VTN: variants seen among roughly 807,000 people sequenced by gnomAD.
VTN encodes vitronectin, also known as complement S-protein.
In VTN, 45 loss-of-function variants were observed where a neutral mutation model predicts 55.9. That is an observed-to-expected ratio of 0.80 (90% CI 0.63 to 1.03). The LOEUF is 1.03. Ranked by LOEUF, VTN falls within the 50% of genes least tolerant of loss-of-function variation. VTN has a pLI of 0.00. For synonymous variants in VTN, 238 were observed against 242.3 expected (o/e 0.98, Z 0.17); for missense variants, 589 against 638.2 (o/e 0.92, Z 0.83).
chr17:28,367,640 G>T, intron 7 of VTN, 75 bp downstream of exon 7: 1 of 1,503,684 alleles, frequency 6.7e-7, no homozygotes, highest in Admixed American at 1.8e-5. Flanking sequence ...TGCAGGCTGC[G>T]TTCAGCCCTT....
In VTN at chr17:28,368,536, A is replaced by G; in HGVS notation, c.964T>C (p.Trp322Arg). 1 of 1,613,982 alleles carries G rather than the reference A, an allele frequency of 6.2e-7. No homozygotes were observed. The highest frequency in any genetic ancestry group is 1.1e-5 in the South Asian group (1 of 91,080). The change falls in exon 6 of 8, where the codon TGG (tryptophan) becomes CGG (arginine). Residue 322 changes from tryptophan (W) to arginine (R), a missense_variant. This residue lies in a region of VTN where 334 missense variants were observed against 328.2 expected (regional missense o/e 1.02). Coordinates refer to ENST00000226218, the MANE Select transcript of VTN (RefSeq NM_000638.4). ...SWEDIFELLF[W>R]GRTSAGTRQP... is the part of the protein sequence containing the mutation. ...CTCTCCATACCAGAGGTTCTGCCCC[A>G]GAAGAGAAGCTCGAAGATGTCCTCC...
At chr17:28,368,389 A>C in intron 6 of VTN, 132 bp downstream of exon 6, 2 of 1,315,960 alleles carry the variant, frequency 1.5e-6, no homozygotes, top group Non-Finnish European at 2.1e-6. Context: ...ACAGAAGCAA[A>C]GTCTGGCCTG....
In VTN at chr17:28,369,667, A is replaced by G. The variant is rs1433453504; in HGVS notation, c.369T>C (p.Pro123=). The G allele has an allele frequency of 3.1e-6, 5 of 1,613,676 alleles. No individual in the cohort carries two copies. Among genetic ancestry groups the G allele is most frequent in the South Asian group, 1.1e-5 (1 of 91,082 alleles). Residue 123 remains proline, a synonymous_variant, in exon 3 of 8, where the codon CCT becomes CCC. Coordinates refer to ENST00000226218, the MANE Select transcript of VTN (RefSeq NM_000638.4). The surrounding 1 kb of genome is among the most constrained non-coding windows in gnomAD (Gnocchi z 5.3). ...GCTTAGAGGCGCCCACCTCAGGCGC[A>G]GGGGCCTCTTCCTCAGGTTTCAGAA... is the stretch of plus-strand genomic sequence containing the variant. The part of the protein sequence containing the change: ...TPVLKPEEEA[P]APEVGASKPE...
At position 28,369,541 on chromosome 17, in the gene VTN, G is replaced by C. The variant is rs782005192; in HGVS notation, c.495C>G (p.Thr165=). The stretch of plus-strand genomic sequence containing the variant: ...CAAAGAGGGAACCGTTCTTGAGGTC[G>C]GTGAAGGCGTCGAAGGGCTTCCCAC... The part of the protein sequence containing the change: ...LCSGKPFDAF[T]DLKNGSLFAF... The change falls in exon 3 of 8, where the codon ACC becomes ACG. Residue 165 remains threonine (T), a synonymous_variant. Coordinates refer to ENST00000226218, the MANE Select transcript of VTN (RefSeq NM_000638.4). This position sits in a 1 kb window ranked among gnomAD's most constrained non-coding sequence, Gnocchi z 5.3. The C allele has an allele frequency of 1.2e-6, 2 of 1,609,640 alleles. No homozygotes were observed. Among genetic ancestry groups the C allele is most frequent in the South Asian group, 2.2e-5 (2 of 91,036 alleles).
Position 28,370,021 on chromosome 17 carries a change from C to T in VTN, c.90G>A (p.Glu30=). The T allele has an allele frequency of 1.2e-6, 2 of 1,614,120 alleles. No individual in the cohort carries two copies. Among genetic ancestry groups the T allele is most frequent in the Non-Finnish European group, 1.7e-6 (2 of 1,180,020 alleles). ...DQESCKGRCT[E]GFNVDKKCQC... Reference sequence around the variant, plus strand: ...GGCACTTCTTGTCCACGTTGAAGCCCTCAGTGCAGCGGCCCTTGCATGACT... The same window carrying T: ...GGCACTTCTTGTCCACGTTGAAGCCTTCAGTGCAGCGGCCCTTGCATGACT... Residue 30 remains glutamate (E), a synonymous_variant, in exon 2 of 8, where the codon GAG becomes GAA. Coordinates refer to ENST00000226218, the MANE Select transcript of VTN (RefSeq NM_000638.4).
At position 28,368,078 on chromosome 17, in the gene VTN, G is replaced by A. The variant is rs1555583333; in HGVS notation, c.980-19C>T. ...GTACCAGCTGTGGCAGGGAAGGGGT[G>A]AATGAGAGGTCTTGGGGGTCCGAAT... On this transcript the variant is annotated intron_variant, in intron 6 of 7. Transcript: ENST00000226218. 1.3e-6 allele frequency: 2 copies of A among 1,552,246 alleles called. No individual in the cohort carries two copies. The highest frequency in any genetic ancestry group is 1.9e-5 in the Admixed American group (1 of 51,552).
Position 28,369,661 on chromosome 17 carries a change from A to C in VTN, c.375T>G (p.Pro125=). 1 of 1,613,772 alleles carries C rather than the reference A, an allele frequency of 6.2e-7. No homozygotes were observed. Residue 125 remains proline (P), a synonymous_variant, in exon 3 of 8, where the codon CCT becomes CCG. Coordinates refer to ENST00000226218, the MANE Select transcript of VTN (RefSeq NM_000638.4). This position sits in a 1 kb window ranked among gnomAD's most constrained non-coding sequence, Gnocchi z 5.3. ...VLKPEEEAPA[P]EVGASKPEGI... ...CCTCAGGCTTAGAGGCGCCCACCTC[A>C]GGCGCAGGGGCCTCTTCCTCAGGTT...
rs782617018 is a variant in VTN, at chr17:28,368,894, C to T, written c.804G>A (p.Arg268=). 1.5e-4 allele frequency: 236 copies of T among 1,613,534 alleles called. No homozygotes were observed. Among genetic ancestry groups the T allele is most frequent in the Non-Finnish European group, 2.0e-4 (231 of 1,179,892 alleles). The stretch of plus-strand genomic sequence containing the variant: ...TACCCTTGAAGAAGTAGACCCGCTC[C>T]CGGCCACTGTAGCTATGGGCAGGGA... ...LALPAHSYSG[R]ERVYFFKGKQ... Residue 268 remains arginine (R), a synonymous_variant, in exon 5 of 8, where the codon CGG becomes CGA. Coordinates refer to ENST00000226218, the MANE Select transcript of VTN (RefSeq NM_000638.4).
Position 28,369,277 on chromosome 17 carries a change from A to T in VTN, c.669+12T>A. 6.4e-7 allele frequency: 1 copy of T among 1,570,768 alleles called. No homozygotes were observed. Among genetic ancestry groups the T allele is most frequent in the Non-Finnish European group, 8.7e-7 (1 of 1,154,182 alleles). On this transcript the variant is annotated intron_variant, in intron 4 of 7. Coordinates refer to ENST00000226218, the MANE Select transcript of VTN (RefSeq NM_000638.4). The surrounding 1 kb of genome is among the most constrained non-coding windows in gnomAD (Gnocchi z 5.3). ...CTAGATGCTTTCTACCCTGGCCCAC[A>T]GCCCCTGGCACCTTGAAGAGGTAGG...
In VTN at chr17:28,367,802, C is replaced by T; in HGVS notation, c.1237G>A (p.Gly413Arg). ...CTGTAGTCATCATAGTTGTTGGCTC[C>T]CAAGTTGCTCTCCTCACTGGAGAAC... is the stretch of plus-strand genomic sequence containing the variant. ...SLFSSEESNL[G>R]ANNYDDYRMD... The change falls in exon 7 of 8, where the codon GGA (glycine) becomes AGA (arginine). Residue 413 changes from glycine (G) to arginine (R), a missense_variant. This residue lies in a region of VTN where 334 missense variants were observed against 328.2 expected (regional missense o/e 1.02). Transcript: ENST00000226218. The T allele has an allele frequency of 6.2e-7, 1 of 1,614,180 alleles. No homozygotes were observed. Among genetic ancestry groups the T allele is most frequent in the African/African-American group, 1.3e-5 (1 of 75,056 alleles).
In VTN at chr17:28,367,794, G is replaced by A; in HGVS notation, c.1245C>T (p.Asn415=). The A allele has an allele frequency of 6.2e-7, 1 of 1,614,190 alleles. No homozygotes were observed. The change falls in exon 7 of 8, where the codon AAC becomes AAT. Residue 415 remains asparagine (N), a synonymous_variant. Coordinates refer to ENST00000226218, the MANE Select transcript of VTN (RefSeq NM_000638.4). ...FSSEESNLGA[N]NYDDYRMDWL... ...AGTCCATCCTGTAGTCATCATAGTTGTTGGCTCCCAAGTTGCTCTCCTCAC... is the reference window on the plus strand; with the variant it reads ...AGTCCATCCTGTAGTCATCATAGTTATTGGCTCCCAAGTTGCTCTCCTCAC...
intron 1 of VTN, 24 bp from the exon 2 acceptor site, chr17:28,370,070 G>C: frequency 1.2e-6 from 2 of 1,613,994 alleles, no homozygotes. Flanking sequence ...GTGTCAGTCG[G>C]TGCCACCAAG....
At position 28,369,055 on chromosome 17, in the gene VTN, G is replaced by A. The variant is rs2227722; in HGVS notation, c.670-27C>T. ...TAAGAGGTGGGGAAAGTGAAAAGGGGTATGGAGGCCGCTGGCTGGGCACAG... is the reference window on the plus strand; with the variant it reads ...TAAGAGGTGGGGAAAGTGAAAAGGGATATGGAGGCCGCTGGCTGGGCACAG... On this transcript the variant is annotated intron_variant, in intron 4 of 7. Coordinates refer to ENST00000226218, the MANE Select transcript of VTN (RefSeq NM_000638.4). This position sits in a 1 kb window ranked among gnomAD's most constrained non-coding sequence, Gnocchi z 5.3. 5.5e-5 allele frequency: 86 copies of A among 1,560,744 alleles called. No homozygotes were observed. In the African/African-American group the frequency reaches 1.1e-3, roughly 21 times the overall value.
At chr17:28,367,586 G>T in intron 7 of VTN, 105 bp from the exon 8 acceptor site, 1 of 1,401,002 alleles carries the variant, frequency 7.1e-7, no homozygotes, top group Non-Finnish European at 1.0e-6. Flanking sequence ...GAACATCCAT[G>T]ATGCAGCTAA....
At position 28,367,675 on chromosome 17, in the gene VTN, C is replaced by A. The variant is rs1555583201; in HGVS notation, c.1324+40G>T. 1.9e-6 allele frequency: 3 copies of A among 1,589,854 alleles called. No homozygotes were observed. In the South Asian group the frequency reaches 3.4e-5, roughly 18 times the overall value. ...TGTGCACCAGGGACAGCAAGGAAAA[C>A]CCAAGCTAGACCAGCTTCAGGGGTG... On this transcript the variant is annotated intron_variant, in intron 7 of 7. Transcript: ENST00000226218.
Position 28,369,485 on chromosome 17 carries a change from C to T in VTN, c.529+22G>A. On this transcript the variant is annotated intron_variant, in intron 3 of 7. Transcript: ENST00000226218. The surrounding 1 kb of genome is among the most constrained non-coding windows in gnomAD (Gnocchi z 5.3). ...ACGCTCCTGGGGCAGACCCGCATCCCCAGTACCTGCCCTGGATTCACCTCG... is the reference window on the plus strand; with the variant it reads ...ACGCTCCTGGGGCAGACCCGCATCCTCAGTACCTGCCCTGGATTCACCTCG... 6 of 1,595,798 alleles carry T rather than the reference C, an allele frequency of 3.8e-6. No homozygotes were observed. The highest frequency in any genetic ancestry group is 5.1e-6 in the Non-Finnish European group (6 of 1,171,624).
intron 6 of VTN, among the ~76,000 whole-genome samples, chr17:28,368,296 C>G (rs1555583377): frequency 1.3e-5 from 2 of 151,978 alleles, no homozygotes; most frequent in Non-Finnish European, 2.9e-5. Context: ...CAGCCCCTCC[C>G]TCTGCTGGCT....
At position 28,370,149 on chromosome 17, in the gene VTN, C is replaced by G. The variant is rs782479710; in HGVS notation, c.55G>C (p.Ala19Pro). Residue 19 changes from alanine (A) to proline (P), a missense_variant, in exon 1 of 8, where the codon GCT (alanine) becomes CCT (proline). This residue lies in a region of VTN where 217 missense variants were observed against 241.3 expected (regional missense o/e 0.90). Coordinates refer to ENST00000226218, the MANE Select transcript of VTN (RefSeq NM_000638.4). Reference protein sequence around the residue: ...ILALLAWVALADQESCKGRCT... With the variant: ...ILALLAWVALPDQESCKGRCT... ...CAACACTCCCCTGTACCTTGGTCAGCCAGAGCAACCCATGCCAGCAGGGCC... is the reference window on the plus strand; with the variant it reads ...CAACACTCCCCTGTACCTTGGTCAGGCAGAGCAACCCATGCCAGCAGGGCC... The G allele has an allele frequency of 6.2e-7, 1 of 1,613,576 alleles. No individual in the cohort carries two copies. Among genetic ancestry groups the G allele is most frequent in the African/African-American group, 1.3e-5 (1 of 74,898 alleles).
rs2067932505 is a variant in VTN, at chr17:28,369,202, C to T, written c.669+87G>A. On this transcript the variant is annotated intron_variant, in intron 4 of 7. Transcript: ENST00000226218. The surrounding 1 kb of genome is among the most constrained non-coding windows in gnomAD (Gnocchi z 5.3). ...ACCAGGTCCTGCAGGGCCCTGGGTC[C>T]AGCTTCCCTGTCCACCCTGTCCCTG... is the stretch of plus-strand genomic sequence containing the variant. 6.6e-7 allele frequency: 1 copy of T among 1,515,918 alleles called. No individual in the cohort carries two copies. The highest frequency in any genetic ancestry group is 8.8e-7 in the Non-Finnish European group (1 of 1,132,256). The allele number at this position is 1,515,918 out of a possible 1,614,324, so 93.9% of individuals were successfully genotyped here.
Sources: gnomAD v4.1 joint callset for allele counts (sites outside exome capture counted in the v4.1 genomes callset) on GRCh38, gnomAD v4.1.1 for gene constraint, gnomAD v4.1.1 regional missense constraint, Gnocchi (gnomAD v3.1) non-coding constraint, MANE v1.5 for transcripts, NCBI Gene and HGNC (gene_info 2026-07-23, HGNC 2026-07-21) for gene names.